Variants in DTNB observed in about 807,000 individuals in gnomAD.
DTNB encodes the protein dystrobrevin beta.
In DTNB, 63 loss-of-function variants were observed where a neutral mutation model predicts 90.7. The ratio of observed to expected loss-of-function variants is 0.69; its 90% CI spans 0.57 to 0.86. The LOEUF is 0.86. Among genes scored for constraint, DTNB ranks in the 40% least tolerant of loss-of-function variants. The pLI, the probability that DTNB is intolerant of heterozygous loss-of-function variation, is 0.00. For missense variants in DTNB, 744 were observed against 807.1 expected (o/e 0.92, Z 0.95); for synonymous variants, 277 against 286.7 (o/e 0.97, Z 0.34).
intron 16 of DTNB, among the ~76,000 whole-genome samples, chr2:25,405,904 CTATCAA>C (rs1316203603): frequency 6.6e-6 from 1 of 151,976 alleles, no homozygotes; most frequent in Admixed American, 6.6e-5. Context: ...GACAGGGGTT[CTATCAA>C]TAAAGTGGCT....
chr2:25,419,030 C>T (rs2048642869), intron 16 of DTNB: 1 of 159,006 alleles, frequency 6.3e-6, no homozygotes, highest in East Asian at 1.8e-4. Flanking sequence ...GTGTCTCAGT[C>T]GTCGTCAGTA....
chr2:25,449,152 C>A (rs1254454031), intron 12 of DTNB, among the ~76,000 whole-genome samples: 2 of 152,156 alleles, frequency 1.3e-5, no homozygotes, highest in Non-Finnish European at 2.9e-5. Context: ...TTGATATTCA[C>A]CAATGTCGTT....
intron 9 of DTNB, among the ~76,000 whole-genome samples, chr2:25,486,632 C>CAAAAAA (rs57903531): frequency 5.4e-5 from 5 of 92,350 alleles, no homozygotes; most frequent in African/African-American, 2.1e-4. Context: ...GACCCTGTCT[C>CAAAAAA]AAAAAAAAAA....
chr2:25,506,049 T>C lies in DTNB; in HGVS notation c.1002-23176A>G, dbSNP rs373719359. 3.9e-5 allele frequency among the ~76,000 whole-genome samples: 6 copies of C among 152,160 alleles called. No individual in the cohort carries two copies. The South Asian group carries it at 6.2e-4, about 16-fold the overall frequency. On this transcript the variant is annotated intron_variant, in intron 9 of 20. Coordinates refer to ENST00000406818, the MANE Select transcript of DTNB (RefSeq NM_021907.5). ...GAAATAAGCCAGACACAGACAAATATCACATATTCTCAGTCATAGGTGGGA... is the reference window on the plus strand; with the variant it reads ...GAAATAAGCCAGACACAGACAAATACCACATATTCTCAGTCATAGGTGGGA...
intron 9 of DTNB, among the ~76,000 whole-genome samples, chr2:25,501,472 C>T (rs912102268): frequency 2.0e-5 from 3 of 152,082 alleles, no homozygotes; most frequent in African/African-American, 7.2e-5. Context: ...CTCCACCTCC[C>T]AGGCTTAAAC....
At chr2:25,539,287 A>G (rs142338688) in intron 8 of DTNB, among the ~76,000 whole-genome samples, 92 of 152,348 alleles carry the variant, frequency 6.0e-4, no homozygotes, top group African/African-American at 2.1e-3. Context: ...TGTTACGCGC[A>G]TTCAATTTTA....
chr2:25,393,274 T>C (rs1039193364), intron 16 of DTNB, among the ~76,000 whole-genome samples: 1 of 152,140 alleles, frequency 6.6e-6, no homozygotes, highest in Non-Finnish European at 1.5e-5. Context: ...GAGCCAATAT[T>C]ATACTGAACA....
At chr2:25,405,081 C>T (rs2044742818) in intron 16 of DTNB, among the ~76,000 whole-genome samples, 2 of 151,996 alleles carry the variant, frequency 1.3e-5, no homozygotes, top group African/African-American at 2.4e-5. Flanking sequence ...GTAGCTGACA[C>T]CATGCCTGGC....
chr2:25,643,126 G>A lies in DTNB; in HGVS notation c.68-4032C>T, dbSNP rs78557569. Among the ~76,000 whole-genome samples the A allele has an allele frequency of 2.0e-4, 30 of 152,182 alleles. No individual in the cohort carries two copies. The East Asian group carries it at 5.4e-3, about 27-fold the overall frequency. On this transcript the variant is annotated intron_variant, in intron 2 of 20. Coordinates refer to ENST00000406818, the MANE Select transcript of DTNB (RefSeq NM_021907.5). ...ACTACCCAGCTCAACTAAAAGGTAT[G>A]GCTCAGGCACACTCTTCAAATTTCA...
intron 15 of DTNB, among the ~76,000 whole-genome samples, chr2:25,423,208 C>CA (rs143439183): frequency 6.6e-6 from 1 of 151,696 alleles, no homozygotes; most frequent in Non-Finnish European, 1.5e-5. Flanking sequence ...GACAAAAAAA[C>CA]AAAAAAACAA....
At chr2:25,406,407 T>C (rs958061429) in intron 16 of DTNB, among the ~76,000 whole-genome samples, 1 of 151,900 alleles carries the variant, frequency 6.6e-6, no homozygotes, top group Non-Finnish European at 1.5e-5. Context: ...TGGTGGTGCA[T>C]GCCTGTAATT....
intron 9 of DTNB, among the ~76,000 whole-genome samples, chr2:25,518,938 C>T (rs1389712969): frequency 6.6e-6 from 1 of 152,112 alleles, no homozygotes; most frequent in Admixed American, 6.5e-5. Flanking sequence ...ATGGCCTTCA[C>T]ATTCTAGGCT....
At chr2:25,606,071 A>T (rs986960061) in intron 5 of DTNB, among the ~76,000 whole-genome samples, 4 of 152,202 alleles carry the variant, frequency 2.6e-5, no homozygotes, top group African/African-American at 9.6e-5. Flanking sequence ...CTAGCTTTCC[A>T]ACTTTCAGTG....
chr2:25,556,170 C>CATTTTTTT (rs530089968), intron 8 of DTNB, among the ~76,000 whole-genome samples: 1 of 105,566 alleles, frequency 9.5e-6, no homozygotes, highest in African/African-American at 3.9e-5. Flanking sequence ...GGCCATCTCT[C>CATTTTTTT]TTTTTTTTTT....
intron 12 of DTNB, among the ~76,000 whole-genome samples, chr2:25,442,788 C>T (rs2057723758): frequency 6.6e-6 from 1 of 152,174 alleles, no homozygotes; most frequent in African/African-American, 2.4e-5. Flanking sequence ...AGCTGAGGAA[C>T]CTTGGGCAAG....
chr2:25,595,654 T>C (rs2064435036), intron 6 of DTNB, among the ~76,000 whole-genome samples: 1 of 152,130 alleles, frequency 6.6e-6, no homozygotes, highest in Non-Finnish European at 1.5e-5. Context: ...AAAATGGTAG[T>C]GTACCCTTGA....
intron 12 of DTNB, among the ~76,000 whole-genome samples, chr2:25,435,840 T>C (rs1017746847): frequency 2.0e-5 from 3 of 152,236 alleles, no homozygotes; most frequent in Non-Finnish European, 2.9e-5. Context: ...CTGCCAGCAA[T>C]GTATCAAGGT....
intron 9 of DTNB, among the ~76,000 whole-genome samples, chr2:25,493,743 A>C (rs1251650676): frequency 6.6e-6 from 1 of 152,236 alleles, no homozygotes; most frequent in African/African-American, 2.4e-5. Flanking sequence ...ATTCATGCCT[A>C]GCACTGTTAG....
chr2:25,662,673 CACACACAA>C (rs1410919286), intron 1 of DTNB, among the ~76,000 whole-genome samples: 1 of 72,846 alleles, frequency 1.4e-5, no homozygotes, highest in Admixed American at 1.7e-4. Context: ...CACACACACA[CACACACAA>C]ACACACACAC....
Sources: gnomAD v4.1 joint callset for allele counts (sites outside exome capture counted in the v4.1 genomes callset) on GRCh38, gnomAD v4.1.1 for gene constraint, MANE v1.5 for transcripts, NCBI Gene and HGNC (gene_info 2026-07-23, HGNC 2026-07-21) for gene names.